The following CACNA1C variants were observed in gnomAD, a reference collection of about 807,000 sequenced individuals.
CACNA1C encodes voltage-dependent L-type calcium channel subunit alpha-1C.
Under a neutral mutation model 229.0 loss-of-function variants are expected in CACNA1C, and 30 were observed. The ratio of observed to expected loss-of-function variants is 0.13; its 90% CI spans 0.10 to 0.18. CACNA1C has a LOEUF of 0.18. Among genes scored for constraint, CACNA1C ranks in the 10% least tolerant of loss-of-function variants. The pLI, the probability that CACNA1C is intolerant of heterozygous loss-of-function variation, is 1.00. For synonymous variants in CACNA1C, 1,114 were observed against 1,132.5 expected, an observed-to-expected ratio of 0.98 and a Z score of 0.33; for missense variants, 1,658 against 2,845.0, an observed-to-expected ratio of 0.58 and a Z score of 9.49.
chr12:2,648,418 C>G, intron 30 of CACNA1C, 57 bp from the exon 31 acceptor site: 1 of 1,521,828 alleles, frequency 6.6e-7, no homozygotes, highest in South Asian at 1.1e-5. Context: ...ACCTAGAATA[C>G]CGGGCATCTT....
At chr12:2,603,863 AG>A (rs1184029018) in intron 22 of CACNA1C, 2 of 152,264 alleles carry the variant, frequency 1.3e-5, no homozygotes, top group African/African-American at 4.8e-5. Flanking sequence ...CCAAAGATAC[AG>A]GGGAAACTGA....
intron 1 of CACNA1C, among the ~76,000 whole-genome samples, chr12:2,032,574 A>T (rs1454534093): frequency 6.6e-6 from 1 of 152,206 alleles, no homozygotes; most frequent in Non-Finnish European, 1.5e-5. Flanking sequence ...TTCGGATGTG[A>T]ATTAAACCAA....
chr12:2,167,562 G>A (rs1052336987), intron 3 of CACNA1C, among the ~76,000 whole-genome samples: 3 of 152,216 alleles, frequency 2.0e-5, no homozygotes, highest in African/African-American at 7.2e-5. Context: ...ATGGGGGGCA[G>A]AAGCTGAAAT....
At chr12:2,349,305 C>T (rs568149882) in intron 3 of CACNA1C, among the ~76,000 whole-genome samples, 6 of 152,318 alleles carry the variant, frequency 3.9e-5, no homozygotes, top group Non-Finnish European at 7.3e-5. Flanking sequence ...AAAGTGGCCC[C>T]TGGCAGCGTT....
intron 3 of CACNA1C, among the ~76,000 whole-genome samples, chr12:2,199,927 CCTCA>C (rs2097535467): frequency 6.6e-6 from 1 of 152,288 alleles, no homozygotes; most frequent in Non-Finnish European, 1.5e-5. Flanking sequence ...CCTCCCAGCT[CCTCA>C]CTCCCAGGAA....
Position 2,653,656 on chromosome 12 carries a change from C to T in CACNA1C, c.4075-179C>T, listed in dbSNP as rs182140663. On this transcript the variant is annotated intron_variant, in intron 32 of 46. Transcript: ENST00000399655. This position sits in a 1 kb window ranked among gnomAD's most constrained non-coding sequence, Gnocchi z 4.7. ...CCAAGCTGAAATGGGAAGTCAGTTC[C>T]GGTTTCTCAGACCTTCTCGCAGGTT... is the stretch of plus-strand genomic sequence containing the variant. Among the ~76,000 whole-genome samples, 36 of 152,342 alleles carry T rather than the reference C, an allele frequency of 2.4e-4. No individual in the cohort carries two copies. Among genetic ancestry groups the T allele is most frequent in the African/African-American group, 7.0e-4 (29 of 41,576 alleles).
chr12:2,265,701 T>C (rs1474035261), intron 3 of CACNA1C, among the ~76,000 whole-genome samples: 1 of 152,244 alleles, frequency 6.6e-6, no homozygotes, highest in Non-Finnish European at 1.5e-5. Flanking sequence ...TGCAATGGAA[T>C]GTGCCTGGTA....
At chr12:2,129,739 G>C (rs1378749796) in intron 3 of CACNA1C, among the ~76,000 whole-genome samples, 2 of 152,150 alleles carry the variant, frequency 1.3e-5, no homozygotes, top group African/African-American at 4.8e-5. Flanking sequence ...TAAGCAACCC[G>C]CACAGGGTCC....
chr12:2,433,985 A>T (rs912313430), intron 3 of CACNA1C, among the ~76,000 whole-genome samples: 1 of 152,184 alleles, frequency 6.6e-6, no homozygotes, highest in Non-Finnish European at 1.5e-5. Flanking sequence ...CCAGATTTTT[A>T]TGTAAGAAAA....
At chr12:2,018,504 A>C (rs896795876) in intron 1 of CACNA1C, among the ~76,000 whole-genome samples, 1 of 152,134 alleles carries the variant, frequency 6.6e-6, no homozygotes, top group African/African-American at 2.4e-5. Context: ...GGAGAGGGGA[A>C]GCTAGAATGT....
rs982361691 is a variant in CACNA1C at position 2,159,792 on chromosome 12, C to T, written c.477+39362C>T. 5.3e-5 allele frequency among the ~76,000 whole-genome samples: 8 copies of T among 152,170 alleles called. 1 individual carries two copies. Among genetic ancestry groups the T allele is most frequent in the South Asian group, 2.1e-4 (1 of 4,830 alleles). On this transcript the variant is annotated intron_variant, in intron 3 of 46. Coordinates refer to ENST00000399655, the MANE Select transcript of CACNA1C (RefSeq NM_000719.7). ...GCTAATCTTTTGTATTTAGTAGAGA[C>T]GGGGTTTCACCATGTTGGCCAGGCT...
intron 9 of CACNA1C, chr12:2,547,482 A>T (rs1175754637): frequency 6.4e-6 from 5 of 779,618 alleles, no homozygotes; most frequent in Admixed American, 5.1e-5. Flanking sequence ...TGATCAGAAG[A>T]AAGGGAAGTT....
chr12:2,361,639 A>G lies in CACNA1C; in HGVS notation c.478-87337A>G, dbSNP rs557669231. On this transcript the variant is annotated intron_variant, in intron 3 of 46. Coordinates refer to ENST00000399655, the MANE Select transcript of CACNA1C (RefSeq NM_000719.7). ...CAGAAAGCTGAAAGCCTGGGACAGG[A>G]TGACCATGGGGCTGCCATCCCATCC... Among the ~76,000 whole-genome samples, 395 of 152,350 alleles carry G rather than the reference A, an allele frequency of 2.6e-3. 1 individual carries two copies. Among genetic ancestry groups the G allele is most frequent in the Non-Finnish European group, 3.6e-3 (246 of 68,040 alleles).
At chr12:2,472,052 A>G (rs2099596373) in intron 5 of CACNA1C, among the ~76,000 whole-genome samples, 2 of 152,102 alleles carry the variant, frequency 1.3e-5, no homozygotes, top group African/African-American at 4.8e-5. Flanking sequence ...TTTCTCTCTC[A>G]GTTTTCAGCA....
intron 1 of CACNA1C, among the ~76,000 whole-genome samples, chr12:1,978,310 G>A (rs2035053438): frequency 6.6e-6 from 1 of 152,154 alleles, no homozygotes; most frequent in Non-Finnish European, 1.5e-5. Flanking sequence ...TACTGAAGAT[G>A]TGTTTTAGAA....
Position 2,298,549 on chromosome 12 carries a change from G to A in CACNA1C, c.478-150427G>A, listed in dbSNP as rs536629366. Among the ~76,000 whole-genome samples, 125 of 152,118 alleles carry A rather than the reference G, an allele frequency of 8.2e-4. 1 individual carries two copies. The highest frequency in any genetic ancestry group is 2.7e-3 in the African/African-American group (114 of 41,504). ...CCTGACCTTGTGATCTGCCCGCCTC[G>A]GCCTCCCAGAGTGCTGGGATTACAG... On this transcript the variant is annotated intron_variant, in intron 3 of 46. Transcript: ENST00000399655.
rs767066989 is a variant in CACNA1C at position 2,105,547 on chromosome 12, C to A, written c.50-9677C>A. On this transcript the variant is annotated intron_variant, in intron 1 of 46. Transcript: ENST00000399655. ...GGAAGCGCAGTCAGATGCGGCATGG[C>A]GGCGGGCGCATCGGGAAACCACTGG... Among the ~76,000 whole-genome samples, 4 of 152,180 alleles carry A rather than the reference C, an allele frequency of 2.6e-5. No homozygotes were observed. In the East Asian group the frequency reaches 5.8e-4, roughly 22 times the overall value.
intron 3 of CACNA1C, among the ~76,000 whole-genome samples, chr12:2,145,648 T>C (rs2094633243): frequency 6.6e-6 from 1 of 151,290 alleles, no homozygotes; most frequent in Admixed American, 6.7e-5. Flanking sequence ...AGAGAGGGTA[T>C]GGTACCTGCG....
intron 3 of CACNA1C, among the ~76,000 whole-genome samples, chr12:2,212,702 A>T (rs1016388): frequency 0.52 from 78,827 of 151,912 alleles, 22,269 homozygotes; most frequent in African/African-American, 0.75. Flanking sequence ...CCCCTTCCCC[A>T]CTTCCTCTTT....
Sources: allele counts gnomAD v4.1 joint callset (sites outside exome capture counted in the v4.1 genomes callset), GRCh38; gene constraint gnomAD v4.1.1; non-coding constraint Gnocchi (gnomAD v3.1); transcripts MANE v1.5; gene names NCBI Gene and HGNC (gene_info 2026-07-23, HGNC 2026-07-21).